The following GPR15LG variants were observed in gnomAD, a reference collection of about 807,000 sequenced individuals.
GPR15LG encodes the protein G protein-coupled receptor 15 ligand, also known as protein GPR15LG.
the GPR15LG span, among the ~76,000 whole-genome samples, chr10:84,184,399 G>A: frequency 6.6e-6 from 1 of 152,154 alleles, no homozygotes; most frequent in Non-Finnish European, 1.5e-5. Context: ...GGCAGCTTAG[G>A]TGGGCTCCAC....
chr10:84,174,847 C>G, the GPR15LG span, among the ~76,000 whole-genome samples: 2 of 152,146 alleles, frequency 1.3e-5, no homozygotes, highest in African/African-American at 4.8e-5. Context: ...GTCTAACCCT[C>G]TAGAAACTGC....
chr10:84,185,065 A>C, the GPR15LG span: 14 of 1,209,354 alleles, frequency 1.2e-5, no homozygotes, highest in East Asian at 1.1e-4. Context: ...ACAGCTACAA[A>C]TCCAGAGACC....
the GPR15LG span, among the ~76,000 whole-genome samples, chr10:84,178,449 A>AATACATACACACAAATAC: frequency 1.8e-4 from 27 of 151,834 alleles, no homozygotes; most frequent in Non-Finnish European, 3.4e-4. Flanking sequence ...AACACACATA[A>AATACATACACACAAATAC]ATACATACAC....
the GPR15LG span, among the ~76,000 whole-genome samples, chr10:84,181,047 C>A: frequency 1.3e-5 from 2 of 151,972 alleles, no homozygotes; most frequent in South Asian, 2.1e-4. Flanking sequence ...TACAGTCCAG[C>A]CTTGGCTCAG....
chr10:84,174,123 G>A, the GPR15LG span, among the ~76,000 whole-genome samples: 3 of 152,188 alleles, frequency 2.0e-5, no homozygotes, highest in Non-Finnish European at 2.9e-5. Context: ...TCCATTCACA[G>A]CCCCTGCACC....
At chr10:84,184,792 G>A in the GPR15LG span, 1 of 1,613,080 alleles carries the variant, frequency 6.2e-7, no homozygotes, top group Non-Finnish European at 8.5e-7. Context: ...ACTCCAGACA[G>A]CGGAGAACCT....
At chr10:84,181,924 C>T in the GPR15LG span, among the ~76,000 whole-genome samples, 3 of 152,170 alleles carry the variant, frequency 2.0e-5, no homozygotes, top group Non-Finnish European at 2.9e-5. Flanking sequence ...CCTGGGGCCA[C>T]GGTGAAGCTA....
chr10:84,177,831 G>A, the GPR15LG span, among the ~76,000 whole-genome samples: 1 of 152,304 alleles, frequency 6.6e-6, no homozygotes, highest in East Asian at 1.9e-4. Context: ...AGAGAGAGGT[G>A]GAGGCGAGCC....
the GPR15LG span, among the ~76,000 whole-genome samples, chr10:84,180,086 A>G: frequency 5.3e-5 from 8 of 152,294 alleles, no homozygotes; most frequent in African/African-American, 1.7e-4. Context: ...ATGACTCTTA[A>G]CGAGTATGCT....
At chr10:84,182,103 G>A in the GPR15LG span, among the ~76,000 whole-genome samples, 1 of 152,320 alleles carries the variant, frequency 6.6e-6, no homozygotes, top group South Asian at 2.1e-4. Flanking sequence ...TCGCCATAGG[G>A]TTGTCTCTGC....
chr10:84,175,997 T>A, the GPR15LG span, among the ~76,000 whole-genome samples: 1 of 152,176 alleles, frequency 6.6e-6, no homozygotes, highest in Non-Finnish European at 1.5e-5. Context: ...CAAGTGATTC[T>A]CCTGCCTCAA....
the GPR15LG span, chr10:84,176,363 T>A: frequency 1.3e-6 from 1 of 765,140 alleles, no homozygotes; most frequent in Non-Finnish European, 2.4e-6. Context: ...TCTCGTAGCC[T>A]GGCTCATCCT....
At chr10:84,176,396 C>A in the GPR15LG span, 1 of 955,656 alleles carries the variant, frequency 1.0e-6, no homozygotes. Context: ...ATAAATATTC[C>A]TGAGCCCTGT....
At chr10:84,176,195 A>G in the GPR15LG span, among the ~76,000 whole-genome samples, 3 of 152,140 alleles carry the variant, frequency 2.0e-5, no homozygotes, top group East Asian at 5.8e-4. Flanking sequence ...GCTCAGGCTT[A>G]TTTTCTTAGG....
chr10:84,178,654 A>G, the GPR15LG span, among the ~76,000 whole-genome samples: 1 of 151,768 alleles, frequency 6.6e-6, no homozygotes, highest in Non-Finnish European at 1.5e-5. Context: ...GGACAGATAT[A>G]CACCCAAGCA....
At chr10:84,175,107 A>T in the GPR15LG span, among the ~76,000 whole-genome samples, 1 of 152,182 alleles carries the variant, frequency 6.6e-6, no homozygotes, top group African/African-American at 2.4e-5. Context: ...AATGCTTATG[A>T]TTGAAGATAT....
At chr10:84,177,866 C>T in the GPR15LG span, among the ~76,000 whole-genome samples, 4 of 152,234 alleles carry the variant, frequency 2.6e-5, no homozygotes, top group African/African-American at 4.8e-5. Flanking sequence ...CCTCCCCCTC[C>T]ACTTCCCCTC....
chr10:84,179,968 G>T, the GPR15LG span, among the ~76,000 whole-genome samples: 1 of 151,682 alleles, frequency 6.6e-6, no homozygotes, highest in Non-Finnish European at 1.5e-5. Context: ...GTGGAGGGAA[G>T]GTCAGCAGAT....
the GPR15LG span, among the ~76,000 whole-genome samples, chr10:84,178,254 C>T: frequency 6.6e-6 from 1 of 151,540 alleles, no homozygotes; most frequent in Non-Finnish European, 1.5e-5. Context: ...CACACGGACA[C>T]ATACACACTA....
Sources: gnomAD v4.1 joint callset for allele counts (sites outside exome capture counted in the v4.1 genomes callset) on GRCh38, gnomAD v4.1.1 for gene constraint, MANE v1.5 for transcripts, NCBI Gene and HGNC (gene_info 2026-07-23, HGNC 2026-07-21) for gene names.